Variants in ADARB2 observed in about 807,000 individuals in gnomAD.
ADARB2 encodes inactive double-stranded RNA-specific editase B2.
In ADARB2, 25 loss-of-function variants were observed where a neutral mutation model predicts 62.2. The ratio of observed to expected loss-of-function variants is 0.40; its 90% CI spans 0.29 to 0.56. ADARB2 has a LOEUF of 0.56. Ranked by LOEUF, ADARB2 falls within the 20% of genes least tolerant of loss-of-function variation. The pLI is 0.43. For synonymous variants in ADARB2, 572 were observed against 500.8 expected, an observed-to-expected ratio of 1.14 and a Z score of -1.90; for missense variants, 1,071 against 1,077.4, an observed-to-expected ratio of 0.99 and a Z score of 0.08.
chr10:1,629,561 AC>A (rs1449207522), intron 1 of ADARB2, among the ~76,000 whole-genome samples: 6 of 52,054 alleles, frequency 1.2e-4, no homozygotes, highest in South Asian at 7.3e-4. Context: ...CCAGCACCCA[AC>A]CCCCCCAGCA....
At chr10:1,697,848 G>C (rs1346354095) in intron 1 of ADARB2, among the ~76,000 whole-genome samples, 1 of 152,142 alleles carries the variant, frequency 6.6e-6, no homozygotes, top group African/African-American at 2.4e-5. Context: ...CTTCTCTTTC[G>C]ACTTGCTTAC....
chr10:1,286,902 G>T (rs1831418634), intron 3 of ADARB2, among the ~76,000 whole-genome samples: 1 of 152,198 alleles, frequency 6.6e-6, no homozygotes, highest in Non-Finnish European at 1.5e-5. Flanking sequence ...ACCAGCTGCT[G>T]TTGTTATTGC....
chr10:1,283,953 T>C (rs896198044), intron 3 of ADARB2, among the ~76,000 whole-genome samples: 1 of 152,204 alleles, frequency 6.6e-6, no homozygotes, highest in African/African-American at 2.4e-5. Flanking sequence ...TGGAAACATT[T>C]GTTTTTGGGA....
intron 1 of ADARB2, among the ~76,000 whole-genome samples, chr10:1,703,340 C>T (rs1000951041): frequency 6.6e-6 from 1 of 150,970 alleles, no homozygotes; most frequent in African/African-American, 2.4e-5. Flanking sequence ...AGGATGGGGC[C>T]TGTGGGGACC....
intron 1 of ADARB2, among the ~76,000 whole-genome samples, chr10:1,434,288 T>C (rs147159702): frequency 1.1e-3 from 161 of 152,356 alleles, no homozygotes; most frequent in Non-Finnish European, 1.9e-3. Context: ...TGAAAATGTT[T>C]TGCCTCTCAC....
At chr10:1,628,104 C>T (rs1440360145) in intron 1 of ADARB2, among the ~76,000 whole-genome samples, 1 of 152,262 alleles carries the variant, frequency 6.6e-6, no homozygotes, top group African/African-American at 2.4e-5. Flanking sequence ...AAAGACACAT[C>T]TACCCTGGAG....
intron 1 of ADARB2, among the ~76,000 whole-genome samples, chr10:1,485,473 G>A (rs1331371710): frequency 1.3e-5 from 2 of 152,064 alleles, no homozygotes; most frequent in Non-Finnish European, 2.9e-5. Context: ...GGATATGTAG[G>A]CACCACGCAG....
chr10:1,400,524 C>T (rs571535190), intron 1 of ADARB2, among the ~76,000 whole-genome samples: 5 of 152,266 alleles, frequency 3.3e-5, no homozygotes, highest in Non-Finnish European at 7.4e-5. Context: ...ATCTGCAGCC[C>T]ACTCCAGCCT....
chr10:1,294,767 T>C (rs1236989837), intron 3 of ADARB2, among the ~76,000 whole-genome samples: 1 of 152,198 alleles, frequency 6.6e-6, no homozygotes, highest in Non-Finnish European at 1.5e-5. Context: ...GCTTCTCCCC[T>C]GATGCCAGCC....
At chr10:1,184,093 C>T (rs1168245676) in intron 9 of ADARB2, among the ~76,000 whole-genome samples, 1 of 152,194 alleles carries the variant, frequency 6.6e-6, no homozygotes, top group Admixed American at 6.5e-5. Flanking sequence ...GCGTCTCGGC[C>T]AAGCTCAGAG....
intron 7 of ADARB2, among the ~76,000 whole-genome samples, chr10:1,215,194 T>C (rs1837217887): frequency 6.6e-6 from 1 of 152,186 alleles, no homozygotes; most frequent in African/African-American, 2.4e-5. Context: ...TTAGGATGGG[T>C]AAACAGTTGT....
intron 1 of ADARB2, among the ~76,000 whole-genome samples, chr10:1,420,791 G>A (rs963940716): frequency 1.3e-5 from 2 of 152,108 alleles, no homozygotes; most frequent in Non-Finnish European, 2.9e-5. Flanking sequence ...ATTAACGCCC[G>A]CCCAGGGCTA....
chr10:1,569,933 C>T (rs928447138), intron 1 of ADARB2, among the ~76,000 whole-genome samples: 3 of 151,862 alleles, frequency 2.0e-5, no homozygotes, highest in African/African-American at 7.3e-5. Flanking sequence ...AAAAGGAAAC[C>T]AAAAATAATT....
intron 8 of ADARB2, chr10:1,199,646 CGGCCAGGT>C: frequency 7.3e-6 from 2 of 273,166 alleles, no homozygotes; most frequent in Non-Finnish European, 1.4e-5. Flanking sequence ...GGCAGGTGGG[CGGCCAGGT>C]GGGCAGGTGG....
At chr10:1,568,026 C>T (rs1832879693) in intron 1 of ADARB2, among the ~76,000 whole-genome samples, 1 of 152,228 alleles carries the variant, frequency 6.6e-6, no homozygotes, top group African/African-American at 2.4e-5. Context: ...AGCTGCCATT[C>T]TCTCTAACTC....
chr10:1,537,099 C>T (rs550897742), intron 1 of ADARB2, among the ~76,000 whole-genome samples: 1 of 152,252 alleles, frequency 6.6e-6, no homozygotes, highest in African/African-American at 2.4e-5. Context: ...CTATAAGGAA[C>T]TTAAACAAAT....
intron 1 of ADARB2, among the ~76,000 whole-genome samples, chr10:1,572,982 CT>C (rs1427049640): frequency 1.3e-5 from 2 of 152,274 alleles, no homozygotes; most frequent in African/African-American, 4.8e-5. Flanking sequence ...CCCCCGAGTG[CT>C]CATTTACATG....
intron 1 of ADARB2, among the ~76,000 whole-genome samples, chr10:1,608,893 C>T (rs1420674658): frequency 6.6e-6 from 1 of 152,132 alleles, no homozygotes; most frequent in Non-Finnish European, 1.5e-5. Flanking sequence ...ATTGCCGGCC[C>T]TCTGTCTTGA....
intron 5 of ADARB2, among the ~76,000 whole-genome samples, chr10:1,241,274 GC>G (rs1295519909): frequency 6.6e-6 from 1 of 152,122 alleles, no homozygotes; most frequent in Admixed American, 6.5e-5. Flanking sequence ...AAAAGAATGA[GC>G]TGAGTGTGTT....
Sources: gnomAD v4.1 joint callset for allele counts (sites outside exome capture counted in the v4.1 genomes callset) on GRCh38, gnomAD v4.1.1 for gene constraint, MANE v1.5 for transcripts, NCBI Gene and HGNC (gene_info 2026-07-23, HGNC 2026-07-21) for gene names.